Variants in EFCAB14 observed in about 807,000 individuals in gnomAD.
The protein encoded by EFCAB14 is EF-hand calcium-binding domain-containing protein 14.
EFCAB14 carries 43 observed loss-of-function variants against 56.5 expected under a neutral mutation model. The ratio of observed to expected loss-of-function variants is 0.76; its 90% CI spans 0.60 to 0.98. The LOEUF is 0.98. Among genes scored for constraint, EFCAB14 ranks in the 50% least tolerant of loss-of-function variants. The probability of loss-of-function intolerance (pLI) is 0.00; values close to 1 mark genes in which losing one functional copy is unlikely to be tolerated. For synonymous variants in EFCAB14, 235 were observed against 212.9 expected (o/e 1.10, Z -0.90); for missense variants, 538 against 580.3 (o/e 0.93, Z 0.75).
intron 10 of EFCAB14, among the ~76,000 whole-genome samples, chr1:46,681,961 C>T (rs1414390999): frequency 2.1e-5 from 3 of 145,794 alleles, no homozygotes; most frequent in Non-Finnish European, 4.5e-5. Context: ...CCCCAGAAAA[C>T]AGAAAAAAAA....
intron 9 of EFCAB14, 164 bp downstream of exon 9, chr1:46,684,327 G>A (rs1301907688): frequency 1.7e-6 from 1 of 590,712 alleles, no homozygotes; most frequent in Admixed American, 3.0e-5. Flanking sequence ...GTACAAAATG[G>A]GCCTTTTCTA....
intron 2 of EFCAB14, among the ~76,000 whole-genome samples, chr1:46,715,078 G>C (rs12078635): frequency 0.37 from 56,203 of 152,010 alleles, 11,609 homozygotes; most frequent in East Asian, 0.75. Context: ...TTTCTTGAAA[G>C]AGATCGTGTT....
chr1:46,691,458 T>C (rs1676991031), intron 5 of EFCAB14, among the ~76,000 whole-genome samples: 1 of 152,196 alleles, frequency 6.6e-6, no homozygotes, highest in Non-Finnish European at 1.5e-5. Flanking sequence ...ATGCACAGAA[T>C]AGTGAGAAAT....
chr1:46,688,332 A>G, intron 7 of EFCAB14, 21 bp downstream of exon 7: 2 of 1,609,112 alleles, frequency 1.2e-6, no homozygotes, highest in Non-Finnish European at 8.5e-7. Flanking sequence ...TGCATGTCAC[A>G]AAAGATCAGA....
chr1:46,694,261 C>A (rs1340424415), intron 4 of EFCAB14, among the ~76,000 whole-genome samples: 1 of 152,134 alleles, frequency 6.6e-6, no homozygotes. Flanking sequence ...TTCTGCACAG[C>A]AAAAGAAACT....
rs1677257866 is a variant in EFCAB14 at position 46,708,037 on chromosome 1, T to C, written c.349A>G (p.Lys117Glu). 1 of 1,611,706 alleles carries C rather than the reference T, an allele frequency of 6.2e-7. No homozygotes were observed. The highest frequency in any genetic ancestry group is 8.5e-7 in the Non-Finnish European group (1 of 1,179,532). ...TTGGGGATTTCTTGGAATGAGCTTT[T>C]CTGATTAGATTCCACTAAAAAGACA... ...EKFRTMESNQ[K>E]SSFQEIPKLN... is the part of the protein sequence containing the mutation. The change falls in exon 3 of 11, where the codon AAA (lysine) becomes GAA (glutamate). Residue 117 changes from lysine to glutamate, a missense_variant. Physicochemically the swap from Lys to Glu is moderately conservative, Grantham distance 56 (BLOSUM62 1). Transcript: ENST00000371933.
intron 3 of EFCAB14, among the ~76,000 whole-genome samples, chr1:46,706,395 T>C (rs1431433574): frequency 6.6e-6 from 1 of 152,192 alleles, no homozygotes; most frequent in African/African-American, 2.4e-5. Context: ...TACCAAAGAT[T>C]TGAAAATCTA....
intron 3 of EFCAB14, among the ~76,000 whole-genome samples, chr1:46,702,153 C>G (rs1677167833): frequency 6.6e-6 from 1 of 152,160 alleles, no homozygotes; most frequent in Non-Finnish European, 1.5e-5. Flanking sequence ...GACTTTTATG[C>G]ATATTACATG....
rs1252463914 is a variant in EFCAB14 at position 46,688,344 on chromosome 1, A to G, written c.987+9T>C. The stretch of plus-strand genomic sequence containing the variant: ...CACTGCATGTCACAAAAGATCAGAA[A>G]AGGCTTACCATGCTGAAGGACAGGT... On this transcript the variant is annotated intron_variant, in intron 7 of 10. Coordinates refer to ENST00000371933, the MANE Select transcript of EFCAB14 (RefSeq NM_014774.3). The G allele has an allele frequency of 1.9e-6, 3 of 1,612,070 alleles. No homozygotes were observed. Among genetic ancestry groups the G allele is most frequent in the Non-Finnish European group, 2.5e-6 (3 of 1,178,660 alleles).
chr1:46,704,491 A>AC (rs1309839695), intron 3 of EFCAB14, among the ~76,000 whole-genome samples: 86 of 151,266 alleles, frequency 5.7e-4, no homozygotes, highest in African/African-American at 2.0e-3. Flanking sequence ...AAAAAAAAAA[A>AC]AAAAAAAGGT....
At chr1:46,705,240 G>T (rs747061927) in intron 3 of EFCAB14, among the ~76,000 whole-genome samples, 1 of 152,110 alleles carries the variant, frequency 6.6e-6, no homozygotes, top group Non-Finnish European at 1.5e-5. Flanking sequence ...CTGGGCCTGC[G>T]CTCATGGTGA....
chr1:46,704,506 G>C (rs1450482219), intron 3 of EFCAB14, among the ~76,000 whole-genome samples: 1 of 147,260 alleles, frequency 6.8e-6, no homozygotes, highest in Non-Finnish European at 1.5e-5. Flanking sequence ...AAAGGTCAGA[G>C]AGCTTGTTTG....
chr1:46,698,070 CTTG>C (rs1386337867), intron 3 of EFCAB14, among the ~76,000 whole-genome samples: 1 of 152,070 alleles, frequency 6.6e-6, no homozygotes, highest in Non-Finnish European at 1.5e-5. Flanking sequence ...CCAGGCTGGT[CTTG>C]AACTCCTGGC....
At chr1:46,684,646 A>T (rs1438825963) in intron 8 of EFCAB14, 44 bp from the exon 9 acceptor site, 6 of 1,505,246 alleles carry the variant, frequency 4.0e-6, no homozygotes, top group Non-Finnish European at 5.5e-6. Flanking sequence ...TGGTAGTAAG[A>T]CTTCATCTAA....
chr1:46,687,039 G>A, intron 7 of EFCAB14, 169 bp from the exon 8 acceptor site: 1 of 624,546 alleles, frequency 1.6e-6, no homozygotes, highest in East Asian at 2.8e-5. Flanking sequence ...GAGGGAGAAA[G>A]GCCAGAGACG....
chr1:46,707,714 T>C (rs113808787), intron 3 of EFCAB14, among the ~76,000 whole-genome samples, 192 bp downstream of exon 3: 228 of 152,342 alleles, frequency 1.5e-3, no homozygotes, highest in African/African-American at 5.3e-3. Flanking sequence ...ATTAACATTT[T>C]AAATATCTGG....
At chr1:46,706,185 A>T (rs752986097) in intron 3 of EFCAB14, among the ~76,000 whole-genome samples, 3 of 152,232 alleles carry the variant, frequency 2.0e-5, no homozygotes, top group Middle Eastern at 3.4e-3. Flanking sequence ...TCTTTATATT[A>T]ATTAGCCTAT....
chr1:46,696,107 CTTTT>C lies in EFCAB14; in HGVS notation c.579+440_579+443del, dbSNP rs576354908. ...TAATTTTTGCATTTCCCCAGGTCAT[CTTTT>C]TTTTTTTTTTTTAACTTTCTTAATT... On this transcript the variant is annotated intron_variant, in intron 4 of 10. Transcript: ENST00000371933. 2.6e-4 allele frequency among the ~76,000 whole-genome samples: 36 copies of C among 139,392 alleles called. No individual in the cohort carries two copies. In the South Asian group the frequency reaches 7.4e-3, roughly 29 times the overall value. 91.4% of individuals were successfully genotyped at this position (139,392 alleles called of 152,430 possible).
At chr1:46,706,148 T>G (rs1677231357) in intron 3 of EFCAB14, among the ~76,000 whole-genome samples, 1 of 152,200 alleles carries the variant, frequency 6.6e-6, no homozygotes, top group African/African-American at 2.4e-5. Context: ...ATTACAGGTG[T>G]GAGCCACCAC....
Sources: allele counts gnomAD v4.1 joint callset (sites outside exome capture counted in the v4.1 genomes callset), GRCh38; gene constraint gnomAD v4.1.1; transcripts MANE v1.5; gene names NCBI Gene and HGNC (gene_info 2026-07-23, HGNC 2026-07-21).